RHOBTB2: variants seen among roughly 807,000 people sequenced by gnomAD.
RHOBTB2 encodes Rho related BTB domain containing 2.
In RHOBTB2, 39 loss-of-function variants were observed where a neutral mutation model predicts 66.5. The ratio of observed to expected loss-of-function variants is 0.59; its 90% CI spans 0.45 to 0.77. The LOEUF (loss-of-function observed/expected upper bound fraction) is 0.77, where lower values mean the gene tolerates loss of function less well. Among genes scored for constraint, RHOBTB2 ranks in the 30% least tolerant of loss-of-function variants. The pLI is 0.00. For synonymous variants in RHOBTB2, 390 were observed against 395.0 expected, an observed-to-expected ratio of 0.99 and a Z score of 0.15; for missense variants, 755 against 999.1, an observed-to-expected ratio of 0.76 and a Z score of 3.29.
the RHOBTB2 span, among the ~76,000 whole-genome samples, chr8:22,956,821 C>T: frequency 0.13 from 20,147 of 152,118 alleles, 1,435 homozygotes; most frequent in Non-Finnish European, 0.17. Flanking sequence ...CCACCATGCC[C>T]GGCTAATTTT....
In RHOBTB2 at chr8:23,017,359, C is replaced by A. The variant is rs779311149; in HGVS notation, c.2074C>A (p.His692Asn). 4.3e-5 allele frequency: 69 copies of A among 1,614,094 alleles called. No homozygotes were observed. Among genetic ancestry groups the A allele is most frequent in the Non-Finnish European group, 5.5e-5 (65 of 1,180,050 alleles). ...RKEREKEDYLHLKRQPKRRWL... is the reference protein window; with the variant it reads ...RKEREKEDYLNLKRQPKRRWL... ...GGAGCGTGAGAAGGAGGACTACCTCCACCTCAAGCGGCAGCCCAAACGGCG... is the reference window on the plus strand; with the variant it reads ...GGAGCGTGAGAAGGAGGACTACCTCAACCTCAAGCGGCAGCCCAAACGGCG... Residue 692 changes from histidine (H) to asparagine (N), a missense_variant, in exon 10 of 10, where the codon CAC (histidine) becomes AAC (asparagine). Physicochemically the swap from His to Asn is moderately conservative, Grantham distance 68. Coordinates refer to ENST00000251822, the MANE Select transcript of RHOBTB2 (RefSeq NM_015178.3). This position sits in a 1 kb window ranked among gnomAD's most constrained non-coding sequence, Gnocchi z 5.3.
rs779401316 is a variant in RHOBTB2 at position 23,007,734 on chromosome 8, G to C, written c.1489G>C (p.Gly497Arg). The change falls in exon 5 of 10, where the codon GGC becomes CGC. Residue 497 changes from glycine (G) to arginine (R), a missense_variant. Around this residue, in one of 7 missense-constraint regions of RHOBTB2, gnomAD observed 353 missense variants for 458.2 expected, o/e 0.77. Transcript: ENST00000251822. ...CCGGGTTAAGGAGTGCTTGGCAAAA[G>C]GCACCTTCTCAGGTATGGAACAGGC... is the stretch of plus-strand genomic sequence containing the variant. ...TNRVKECLAK[G>R]TFSDVTFILD... is the part of the protein sequence containing the mutation. The C allele has an allele frequency of 6.2e-7, 1 of 1,613,600 alleles. No homozygotes were observed. Among genetic ancestry groups the C allele is most frequent in the Admixed American group, 1.7e-5 (1 of 60,016 alleles).
rs1264823384 is a variant in RHOBTB2, at chr8:23,019,957, T to C, written c.*2488T>C. The C allele has an allele frequency of 1.8e-5, 5 of 284,926 alleles. No individual in the cohort carries two copies. Among genetic ancestry groups the C allele is most frequent in the Non-Finnish European group, 2.7e-5 (4 of 145,576 alleles). The allele number at this position is 284,926 out of a possible 1,614,324, so 17.6% of individuals were successfully genotyped here. A position where few individuals can be genotyped will look rare whatever the true frequency, so the allele number is the denominator to read the frequency against. On this transcript the variant is annotated 3_prime_UTR_variant, in exon 10 of 10. Transcript: ENST00000251822. ...GAATCCCAGTCCCCAGGAACCTAGC[T>C]CTTTAAACTCTGGGGAGTCGGATTC...
intron 7 of RHOBTB2, among the ~76,000 whole-genome samples, chr8:23,013,199 G>A (rs923755798): frequency 1.3e-5 from 2 of 152,016 alleles, no homozygotes; most frequent in African/African-American, 4.8e-5. Flanking sequence ...TTCCCAAAGT[G>A]CTGTGATTAC....
the RHOBTB2 span, among the ~76,000 whole-genome samples, chr8:22,954,580 A>G: frequency 6.6e-6 from 1 of 152,238 alleles, no homozygotes; most frequent in Non-Finnish European, 1.5e-5. Context: ...TATCCAACAA[A>G]TAGTGTTGAG....
At chr8:23,014,825 C>T in intron 8 of RHOBTB2, 47 bp downstream of exon 8, 1 of 1,485,934 alleles carries the variant, frequency 6.7e-7, no homozygotes, top group Non-Finnish European at 9.4e-7. Context: ...GTTCTACACT[C>T]TGCCTGCCCA....
chr8:23,008,158 C>A, intron 6 of RHOBTB2, 47 bp downstream of exon 6: 3 of 1,315,190 alleles, frequency 2.3e-6, no homozygotes, highest in Non-Finnish European at 3.2e-6. Context: ...GAGACATTTG[C>A]ACCCTTTACA....
the RHOBTB2 span, among the ~76,000 whole-genome samples, chr8:22,951,533 C>T: frequency 7.2e-5 from 11 of 151,886 alleles, no homozygotes; most frequent in African/African-American, 2.4e-4. Flanking sequence ...TTGGGATAGG[C>T]GGTGGAGTTA....
At chr8:23,002,671 C>T (rs1810819431) in intron 1 of RHOBTB2, among the ~76,000 whole-genome samples, 1 of 152,150 alleles carries the variant, frequency 6.6e-6, no homozygotes, top group South Asian at 2.1e-4. Context: ...GCCTGGGTGT[C>T]AAGCGCAAAA....
At chr8:22,987,800 C>G (rs188410583) in intron 1 of RHOBTB2, among the ~76,000 whole-genome samples, 2 of 152,338 alleles carry the variant, frequency 1.3e-5, no homozygotes, top group African/African-American at 2.4e-5. Context: ...TGTGGCCCAG[C>G]AGCAACCTGT....
At chr8:22,990,341 T>G (rs1440060862) in intron 1 of RHOBTB2, among the ~76,000 whole-genome samples, 1 of 152,144 alleles carries the variant, frequency 6.6e-6, no homozygotes, top group East Asian at 1.9e-4. Flanking sequence ...CCGTGCCACC[T>G]TCGCCCTCCA....
chr8:23,009,663 G>T (rs1287579401), intron 6 of RHOBTB2, among the ~76,000 whole-genome samples: 1 of 152,196 alleles, frequency 6.6e-6, no homozygotes, highest in Non-Finnish European at 1.5e-5. Context: ...GCACGAGGCT[G>T]GGCTGCATCG....
At chr8:22,967,602 TAAAAAAAAAAAAAAA>T in the RHOBTB2 span, among the ~76,000 whole-genome samples, 1 of 57,802 alleles carries the variant, frequency 1.7e-5, no homozygotes, top group Non-Finnish European at 2.9e-5. Flanking sequence ...AAACTCTGTC[TAAAAAAAAAAAAAAA>T]AAAAAAAAAA....
At position 23,020,043 on chromosome 8, in the gene RHOBTB2, C is replaced by A; in HGVS notation, c.*2574C>A. On this transcript the variant is annotated 3_prime_UTR_variant, in exon 10 of 10. Coordinates refer to ENST00000251822, the MANE Select transcript of RHOBTB2 (RefSeq NM_015178.3). ...AGGGGAGGGAGGAAGGAAGGAGTCC[C>A]AGCAGGAGCACAGCCCTGGTTTCCT... The A allele has an allele frequency of 3.0e-6, 1 of 338,812 alleles. No homozygotes were observed. Among genetic ancestry groups the A allele is most frequent in the Non-Finnish European group, 5.8e-6 (1 of 173,176 alleles). 21.0% of individuals were successfully genotyped at this position (338,812 alleles called of 1,614,324 possible).
At chr8:22,971,601 T>C in the RHOBTB2 span, among the ~76,000 whole-genome samples, 781 of 152,352 alleles carry the variant, frequency 5.1e-3, 8 homozygotes, top group African/African-American at 0.016. Flanking sequence ...GCTTGTTCAC[T>C]GGCAACTCAA....
chr8:22,961,580 C>A, the RHOBTB2 span, among the ~76,000 whole-genome samples: 14 of 152,110 alleles, frequency 9.2e-5, no homozygotes, highest in African/African-American at 3.1e-4. Flanking sequence ...TGTCCTACCT[C>A]GTAAGGTACA....
chr8:23,003,415 A>G (rs74378041), intron 1 of RHOBTB2, among the ~76,000 whole-genome samples: 5,033 of 152,294 alleles, frequency 0.033, 255 homozygotes, highest in African/African-American at 0.11. Context: ...TCAGGCTCAA[A>G]TTTCTGATCT....
At chr8:22,967,587 T>C in the RHOBTB2 span, among the ~76,000 whole-genome samples, 1 of 47,990 alleles carries the variant, frequency 2.1e-5, no homozygotes. Flanking sequence ...TGGGCGACAA[T>C]AGCAAAACTC....
intron 2 of RHOBTB2, 33 bp from the exon 3 acceptor site, chr8:23,005,339 C>A: frequency 6.5e-7 from 1 of 1,546,788 alleles, no homozygotes; most frequent in Non-Finnish European, 8.9e-7. Flanking sequence ...AAAACTGCTG[C>A]CTTCGAGTCC....
Sources: allele counts gnomAD v4.1 joint callset (sites outside exome capture counted in the v4.1 genomes callset), GRCh38; gene constraint gnomAD v4.1.1; regional missense constraint gnomAD v4.1.1; non-coding constraint Gnocchi (gnomAD v3.1); transcripts MANE v1.5; gene names NCBI Gene and HGNC (gene_info 2026-07-23, HGNC 2026-07-21).